Variants in C7orf33 observed in about 807,000 individuals in gnomAD.
C7orf33 encodes chromosome 7 open reading frame 33, also known as uncharacterized protein C7orf33.
Under a neutral mutation model 13.4 loss-of-function variants are expected in C7orf33, and 15 were observed. The ratio of observed to expected loss-of-function variants is 1.12; its 90% confidence interval spans 0.75 to 1.72. C7orf33 has a LOEUF of 1.72. Among genes scored for constraint, C7orf33 ranks in the 40% most tolerant of loss-of-function variants. The pLI, the probability that C7orf33 is intolerant of heterozygous loss-of-function variation, is 0.00. For missense variants in C7orf33, 187 were observed against 220.3 expected, an observed-to-expected ratio of 0.85 and a Z score of 0.96; for synonymous variants, 73 against 83.2, an observed-to-expected ratio of 0.88 and a Z score of 0.67.
intron 1 of C7orf33, among the ~76,000 whole-genome samples, chr7:148,602,853 C>T (rs1796431979): frequency 6.6e-6 from 1 of 152,136 alleles, no homozygotes; most frequent in African/African-American, 2.4e-5. Flanking sequence ...AGTATGTGAA[C>T]TCAATTACAT....
intron 1 of C7orf33, among the ~76,000 whole-genome samples, chr7:148,592,664 G>A (rs953386926): frequency 1.1e-4 from 16 of 151,080 alleles, no homozygotes; most frequent in African/African-American, 3.2e-4. Context: ...ACAGGTGCAC[G>A]CCACCATGCC....
rs145233255 is a variant in C7orf33 at position 148,610,440 on chromosome 7, C to G, written c.205-3602C>G. Among the ~76,000 whole-genome samples, 186 of 152,246 alleles carry G rather than the reference C, an allele frequency of 1.2e-3. 1 individual carries two copies. The East Asian group carries it at 0.026, about 21-fold the overall frequency. On this transcript the variant is annotated intron_variant, in intron 1 of 2. Transcript: ENST00000307003. ...TCTCCCGTGCTCGATGCTTCCTGCC[C>G]TTGAACATCAGACTCCGAGTTCTTC...
At chr7:148,593,087 C>T (rs1481794796) in intron 1 of C7orf33, among the ~76,000 whole-genome samples, 1 of 151,944 alleles carries the variant, frequency 6.6e-6, no homozygotes, top group African/African-American at 2.4e-5. Context: ...GTGATCCACC[C>T]ACCTCACCTC....
At chr7:148,599,115 C>T (rs955289552) in intron 1 of C7orf33, among the ~76,000 whole-genome samples, 4 of 151,824 alleles carry the variant, frequency 2.6e-5, no homozygotes, top group Non-Finnish European at 1.5e-5. Flanking sequence ...CACCCACCTA[C>T]GCCTCCCAAA....
intron 1 of C7orf33, among the ~76,000 whole-genome samples, chr7:148,603,576 G>A (rs1226883963): frequency 6.6e-6 from 1 of 152,150 alleles, no homozygotes; most frequent in Non-Finnish European, 1.5e-5. Flanking sequence ...CATTAGGACA[G>A]CACTGCTTCT....
intron 1 of C7orf33, among the ~76,000 whole-genome samples, chr7:148,598,683 T>C (rs994775181): frequency 5.8e-5 from 7 of 119,798 alleles, no homozygotes; most frequent in East Asian, 2.3e-4. Context: ...CACACACACA[T>C]ACCTATATAT....
chr7:148,602,355 G>A (rs1369298589), intron 1 of C7orf33, among the ~76,000 whole-genome samples: 2 of 152,018 alleles, frequency 1.3e-5, no homozygotes, highest in Non-Finnish European at 2.9e-5. Context: ...CAGCCACTTC[G>A]GGAGGCCAAC....
intron 1 of C7orf33, among the ~76,000 whole-genome samples, chr7:148,610,177 T>C (rs1397349089): frequency 6.6e-6 from 1 of 152,162 alleles, no homozygotes; most frequent in African/African-American, 2.4e-5. Context: ...CAAGTAAGAC[T>C]TCTGTGATGG....
At position 148,614,129 on chromosome 7, in the gene C7orf33, T is replaced by A; in HGVS notation, c.292T>A (p.Phe98Ile). 1 of 1,614,192 alleles carries A rather than the reference T, an allele frequency of 6.2e-7. No individual in the cohort carries two copies. Among genetic ancestry groups the A allele is most frequent in the Admixed American group, 1.7e-5 (1 of 60,022 alleles). The change falls in exon 2 of 3, where the codon TTT (phenylalanine) becomes ATT (isoleucine). Residue 98 changes from phenylalanine to isoleucine, a missense_variant. Transcript: ENST00000307003. ...CACCAAATCTGGTGCCCCGTGGCATTTTCTTTCTCAAGGTCCCACGGATGC... is the reference window on the plus strand; with the variant it reads ...CACCAAATCTGGTGCCCCGTGGCATATTCTTTCTCAAGGTCCCACGGATGC... ...APTKSGAPWH[F>I]LSQGPTDAQR...
chr7:148,598,250 A>G (rs911569833), intron 1 of C7orf33, among the ~76,000 whole-genome samples: 1 of 152,042 alleles, frequency 6.6e-6, no homozygotes, highest in Admixed American at 6.6e-5. Flanking sequence ...CCTCAATTTC[A>G]TTGCTGTTTT....
intron 1 of C7orf33, among the ~76,000 whole-genome samples, chr7:148,611,193 A>C (rs1563124481): frequency 6.6e-6 from 1 of 152,156 alleles, no homozygotes; most frequent in Non-Finnish European, 1.5e-5. Context: ...TGCTGGGTAG[A>C]GAAGGGCCAG....
intron 1 of C7orf33, among the ~76,000 whole-genome samples, chr7:148,609,949 T>C (rs112078917): frequency 3.5e-4 from 54 of 152,260 alleles, no homozygotes; most frequent in African/African-American, 1.2e-3. Context: ...CTGAGGACCC[T>C]TCCAACTAGC....
At chr7:148,593,414 C>T (rs1796291325) in intron 1 of C7orf33, among the ~76,000 whole-genome samples, 1 of 152,046 alleles carries the variant, frequency 6.6e-6, no homozygotes, top group South Asian at 2.1e-4. Flanking sequence ...AGGCACCTGC[C>T]ACCACTCCCA....
intron 1 of C7orf33, among the ~76,000 whole-genome samples, chr7:148,595,461 A>C (rs1181132943): frequency 3.9e-5 from 5 of 128,838 alleles, no homozygotes; most frequent in Non-Finnish European, 6.2e-5. Context: ...TTATATAGCT[A>C]TATATATGCT....
intron 1 of C7orf33, among the ~76,000 whole-genome samples, chr7:148,591,803 A>C (rs1277092542): frequency 1.3e-5 from 2 of 150,922 alleles, no homozygotes; most frequent in East Asian, 3.9e-4. Flanking sequence ...CTGGTCTTGA[A>C]CTCCTGTCCT....
intron 1 of C7orf33, among the ~76,000 whole-genome samples, chr7:148,603,885 T>C (rs1796444203): frequency 1.3e-5 from 2 of 152,100 alleles, no homozygotes; most frequent in Non-Finnish European, 2.9e-5. Flanking sequence ...CATTTGATGG[T>C]AGTTACTGGT....
intron 1 of C7orf33, among the ~76,000 whole-genome samples, chr7:148,597,364 C>G (rs971481252): frequency 5.3e-5 from 8 of 152,236 alleles, no homozygotes; most frequent in African/African-American, 1.7e-4. Context: ...TCACTGCAAC[C>G]TATGCCTCCC....
intron 1 of C7orf33, among the ~76,000 whole-genome samples, chr7:148,599,469 AT>A (rs34816972): frequency 0.096 from 11,848 of 122,910 alleles, 339 homozygotes; most frequent in Middle Eastern, 0.16. Flanking sequence ...CAATTCTCAG[AT>A]TTTTTTTTTT....
At chr7:148,596,002 T>C (rs1340779460) in intron 1 of C7orf33, among the ~76,000 whole-genome samples, 1 of 151,910 alleles carries the variant, frequency 6.6e-6, no homozygotes, top group African/African-American at 2.4e-5. Context: ...TTGTGTGCAA[T>C]TAAATTTTTT....
Sources: gnomAD v4.1 joint callset for allele counts (sites outside exome capture counted in the v4.1 genomes callset) on GRCh38, gnomAD v4.1.1 for gene constraint, MANE v1.5 for transcripts, NCBI Gene and HGNC (gene_info 2026-07-23, HGNC 2026-07-21) for gene names.